The following ANO4 variants were observed in gnomAD, a reference collection of about 807,000 sequenced individuals.
The protein encoded by ANO4 is anoctamin 4.
Under a neutral mutation model 141.9 loss-of-function variants are expected in ANO4, and 69 were observed. That is an observed-to-expected ratio of 0.49 (90% CI 0.40 to 0.59). The LOEUF (loss-of-function observed/expected upper bound fraction) is 0.59, where lower values mean the gene tolerates loss of function less well. Among genes scored for constraint, ANO4 ranks in the 20% least tolerant of loss-of-function variants. ANO4 has a pLI of 0.00. For missense variants in ANO4, 894 were observed against 1,162.2 expected, an observed-to-expected ratio of 0.77 and a Z score of 3.36; for synonymous variants, 350 against 394.3, an observed-to-expected ratio of 0.89 and a Z score of 1.33.
In ANO4 at chr12:101,020,145, GTAGTATGT is replaced by G. The variant is rs1198343194; in HGVS notation, c.841+12_841+19del. ...AAGAAGGAAAAAACAAGATTGGTAA[GTAGTATGT>G]TAGTATAACAAACTACATTTGGCAT... On this transcript the variant is annotated splice_donor_region_variant and intron_variant, in intron 9 of 27. Transcript: ENST00000392977. 1 of 1,577,670 alleles carries G rather than the reference GTAGTATGT, an allele frequency of 6.3e-7. No individual in the cohort carries two copies. The highest frequency in any genetic ancestry group is 8.7e-7 in the Non-Finnish European group (1 of 1,148,066).
chr12:101,042,310 G>A (rs780119832), intron 11 of ANO4, 24 bp from the exon 12 acceptor site: 3 of 1,613,826 alleles, frequency 1.9e-6, no homozygotes, highest in South Asian at 2.2e-5. Flanking sequence ...ACTGTAATTT[G>A]CAAGGCCGTT....
intron 1 of ANO4, among the ~76,000 whole-genome samples, chr12:100,860,080 C>T (rs573373830): frequency 6.6e-6 from 1 of 152,204 alleles, no homozygotes; most frequent in East Asian, 1.9e-4. Context: ...TGTGGACCCT[C>T]AAGTTGTATT....
At chr12:101,065,400 TAAATA>T (rs1417658929) in intron 14 of ANO4, among the ~76,000 whole-genome samples, 1 of 152,006 alleles carries the variant, frequency 6.6e-6, no homozygotes, top group East Asian at 1.9e-4. Flanking sequence ...AAGACCCAAA[TAAATA>T]AAATCAGATA....
At chr12:100,959,939 T>A (rs1317472513) in intron 5 of ANO4, among the ~76,000 whole-genome samples, 1 of 152,146 alleles carries the variant, frequency 6.6e-6, no homozygotes, top group Non-Finnish European at 1.5e-5. Flanking sequence ...CAGGGTTTAG[T>A]TTTTGATCTC....
chr12:100,854,256 G>T (rs780599720), intron 1 of ANO4, among the ~76,000 whole-genome samples: 1 of 152,136 alleles, frequency 6.6e-6, no homozygotes, highest in Non-Finnish European at 1.5e-5. Context: ...TGTAGCTGAT[G>T]AAAGAAGTCT....
intron 1 of ANO4, among the ~76,000 whole-genome samples, chr12:100,884,373 T>A (rs921073982): frequency 2.6e-5 from 4 of 152,174 alleles, no homozygotes; most frequent in African/African-American, 9.7e-5. Flanking sequence ...GTCTCCCTCC[T>A]CCACAGGGCC....
chr12:100,839,050 A>G (rs1012667740), intron 1 of ANO4, among the ~76,000 whole-genome samples: 3 of 152,122 alleles, frequency 2.0e-5, no homozygotes, highest in Non-Finnish European at 4.4e-5. Context: ...GCCTATTTTC[A>G]TTATTAGTTA....
intron 26 of ANO4, among the ~76,000 whole-genome samples, chr12:101,126,109 C>G (rs1243155818): frequency 1.3e-5 from 2 of 152,152 alleles, no homozygotes; most frequent in Admixed American, 6.6e-5. Flanking sequence ...AATATGAGAA[C>G]TATGCAGAAA....
Position 100,910,321 on chromosome 12 carries a change from T to C in ANO4, c.55+8481T>C, listed in dbSNP as rs191301438. 2.6e-3 allele frequency among the ~76,000 whole-genome samples: 396 copies of C among 152,304 alleles called. 2 individuals are homozygous for C. The highest frequency in any genetic ancestry group is 3.8e-3 in the Non-Finnish European group (258 of 67,992). On this transcript the variant is annotated intron_variant, in intron 2 of 27. Transcript: ENST00000392977. ...CCTTGTTATCTCAGTTACCACTTCA[T>C]TTAGCAGTTTCCCAGTTAACTTGTG... is the stretch of plus-strand genomic sequence containing the variant.
chr12:100,800,510 T>C (rs1339247946), intron 1 of ANO4, among the ~76,000 whole-genome samples: 1 of 152,268 alleles, frequency 6.6e-6, no homozygotes, highest in East Asian at 1.9e-4. Context: ...GAAATTCTTT[T>C]CGTAGAAGGG....
intron 26 of ANO4, among the ~76,000 whole-genome samples, chr12:101,121,729 C>T (rs574269736): frequency 5.0e-4 from 75 of 150,588 alleles, no homozygotes; most frequent in Middle Eastern, 3.5e-3. Context: ...TCTGAAGCCT[C>T]GCCAGCATCT....
At chr12:100,725,352 T>TA (rs1031142965) in intron 1 of ANO4, among the ~76,000 whole-genome samples, 1 of 132,664 alleles carries the variant, frequency 7.5e-6, no homozygotes, top group African/African-American at 2.6e-5. Flanking sequence ...TCTTTTTTTT[T>TA]TTTTTTTTTT....
At chr12:101,001,904 A>G (rs11613109) in intron 8 of ANO4, among the ~76,000 whole-genome samples, 10,701 of 151,968 alleles carry the variant, frequency 0.07, 466 homozygotes, top group Middle Eastern at 0.12. Context: ...GTGGGGAAAA[A>G]CCTGATTCTT....
intron 1 of ANO4, among the ~76,000 whole-genome samples, chr12:100,834,951 G>C (rs2036826998): frequency 6.6e-6 from 1 of 152,260 alleles, no homozygotes; most frequent in East Asian, 1.9e-4. Context: ...ATTGCAGCTG[G>C]AGTGGAATGA....
At chr12:100,878,296 T>C (rs532010356) in intron 1 of ANO4, among the ~76,000 whole-genome samples, 1 of 152,306 alleles carries the variant, frequency 6.6e-6, no homozygotes, top group South Asian at 2.1e-4. Context: ...AATTTTGTCC[T>C]CCTAAGAATT....
intron 5 of ANO4, among the ~76,000 whole-genome samples, chr12:100,966,526 A>G (rs1473908664): frequency 1.3e-5 from 2 of 152,222 alleles, no homozygotes; most frequent in Admixed American, 6.6e-5. Context: ...CCCTTTAAAT[A>G]TCATGTTTAT....
At chr12:100,822,277 A>G (rs2036096162) in intron 1 of ANO4, among the ~76,000 whole-genome samples, 1 of 151,950 alleles carries the variant, frequency 6.6e-6, no homozygotes, top group Non-Finnish European at 1.5e-5. Flanking sequence ...GTGGAGAACT[A>G]CTCAACAAAG....
chr12:101,123,446 A>C (rs986228380), intron 26 of ANO4, among the ~76,000 whole-genome samples: 1 of 152,012 alleles, frequency 6.6e-6, no homozygotes, highest in Non-Finnish European at 1.5e-5. Flanking sequence ...TCCCTTAGCT[A>C]TTCTTTCTGA....
intron 1 of ANO4, among the ~76,000 whole-genome samples, chr12:100,821,794 G>A (rs1306199903): frequency 1.3e-5 from 2 of 151,976 alleles, no homozygotes; most frequent in African/African-American, 4.8e-5. Context: ...GTTATAAACA[G>A]CAAGTTAATG....
Sources: allele counts gnomAD v4.1 joint callset (sites outside exome capture counted in the v4.1 genomes callset), GRCh38; gene constraint gnomAD v4.1.1; transcripts MANE v1.5; gene names NCBI Gene and HGNC (gene_info 2026-07-23, HGNC 2026-07-21).